The following GRM3 variants were observed in gnomAD, a reference collection of about 807,000 sequenced individuals.
GRM3 encodes glutamate metabotropic receptor 3, also known as metabotropic glutamate receptor 3.
A neutral mutation model predicts 70.5 loss-of-function variants in GRM3; 26 were observed. The ratio of observed to expected loss-of-function variants is 0.37; its 90% CI spans 0.27 to 0.51. The LOEUF is 0.51. GRM3 is among the 20% of genes least tolerant of loss of function. The probability of loss-of-function intolerance (pLI) is 0.93; values close to 1 mark genes in which losing one functional copy is unlikely to be tolerated. For synonymous variants in GRM3, 443 were observed against 434.9 expected (o/e 1.02, Z -0.23); for missense variants, 859 against 1,123.8 (o/e 0.76, Z 3.37).
intron 2 of GRM3, among the ~76,000 whole-genome samples, chr7:86,781,114 T>C (rs1342561943): frequency 6.6e-6 from 1 of 152,146 alleles, no homozygotes. Flanking sequence ...ATAATGGTAG[T>C]ATCTACATCA....
chr7:86,765,582 T>C lies in GRM3; in HGVS notation c.437T>C (p.Ile146Thr), dbSNP rs1265604108. The change falls in exon 2 of 6, where the codon ATT (isoleucine) becomes ACT (threonine). Residue 146 changes from isoleucine (I) to threonine (T), a missense_variant. Transcript: ENST00000361669. ...ATCCCACTTCTCATTGCAGGGGTCA[T>C]TGGTGGCTCTTATAGCAGTGTTTCC... ...ENIPLLIAGV[I>T]GGSYSSVSIQ... 6.2e-7 allele frequency: 1 copy of C among 1,613,388 alleles called. No homozygotes were observed. The highest frequency in any genetic ancestry group is 1.3e-5 in the African/African-American group (1 of 74,878).
intron 1 of GRM3, among the ~76,000 whole-genome samples, chr7:86,676,104 T>C (rs998114940): frequency 1.3e-5 from 2 of 151,570 alleles, no homozygotes; most frequent in African/African-American, 4.8e-5. Context: ...AGCCTTAGGC[T>C]TTTTTTTCCC....
At chr7:86,718,161 C>G (rs140052739) in intron 1 of GRM3, among the ~76,000 whole-genome samples, 88 of 151,774 alleles carry the variant, frequency 5.8e-4, no homozygotes, top group African/African-American at 2.1e-3. Context: ...GATCTGTTAC[C>G]ATTTACATAC....
At chr7:86,815,264 C>T (rs913114389) in intron 3 of GRM3, among the ~76,000 whole-genome samples, 2 of 151,722 alleles carry the variant, frequency 1.3e-5, no homozygotes, top group African/African-American at 4.8e-5. Flanking sequence ...GCTTTAGAAA[C>T]CTCATGAGGA....
chr7:86,813,845 C>A (rs1373497915), intron 3 of GRM3, among the ~76,000 whole-genome samples: 2 of 151,578 alleles, frequency 1.3e-5, no homozygotes, highest in African/African-American at 4.8e-5. Flanking sequence ...CCAGCTAGAA[C>A]CCTAATTGAA....
At chr7:86,708,946 TAC>T (rs5885556) in intron 1 of GRM3, among the ~76,000 whole-genome samples, 103,857 of 151,392 alleles carry the variant, frequency 0.69, 36,178 homozygotes, top group East Asian at 0.9. Context: ...CACATACATA[TAC>T]ACACACACAC....
chr7:86,809,156 A>C (rs867769137), intron 3 of GRM3, among the ~76,000 whole-genome samples: 1 of 152,110 alleles, frequency 6.6e-6, no homozygotes, highest in Non-Finnish European at 1.5e-5. Flanking sequence ...CATGTTTTAA[A>C]GTCTCCAAGC....
At chr7:86,772,983 AG>A (rs1015636438) in intron 2 of GRM3, among the ~76,000 whole-genome samples, 5 of 151,864 alleles carry the variant, frequency 3.3e-5, no homozygotes, top group African/African-American at 1.2e-4. Flanking sequence ...TCTAAAACTG[AG>A]TTTTTTTTTT....
intron 1 of GRM3, among the ~76,000 whole-genome samples, chr7:86,737,994 G>A (rs1795903346): frequency 1.3e-5 from 2 of 152,156 alleles, no homozygotes; most frequent in South Asian, 2.1e-4. Flanking sequence ...TGACATGAAA[G>A]CATTTCCCAG....
At chr7:86,685,437 T>C (rs1480122557) in intron 1 of GRM3, among the ~76,000 whole-genome samples, 1 of 152,204 alleles carries the variant, frequency 6.6e-6, no homozygotes, top group African/African-American at 2.4e-5. Context: ...AGTGAGAACC[T>C]GAAACAAGCT....
chr7:86,822,463 G>A (rs930761045), intron 3 of GRM3, among the ~76,000 whole-genome samples: 4 of 152,156 alleles, frequency 2.6e-5, no homozygotes, highest in African/African-American at 9.7e-5. Flanking sequence ...CTTGAAGGAT[G>A]TGAGTGATTT....
In GRM3 at chr7:86,652,141, T is replaced by C. The variant is rs1486671237; in HGVS notation, c.-141+7269T>C. ...CCTAAACACTCATAATGCAGTAATT[T>C]GAAAGGAAACAAGCCTTCTCTTAGT... On this transcript the variant is annotated intron_variant, in intron 1 of 5. Transcript: ENST00000361669. Among the ~76,000 whole-genome samples, 3 of 152,150 alleles carry C rather than the reference T, an allele frequency of 2.0e-5. No homozygotes were observed. The East Asian group carries it at 5.8e-4, about 29-fold the overall frequency.
At chr7:86,858,870 T>A (rs1798902125) in intron 5 of GRM3, among the ~76,000 whole-genome samples, 1 of 152,224 alleles carries the variant, frequency 6.6e-6, no homozygotes, top group Admixed American at 6.5e-5. Context: ...CACAGTATAA[T>A]GAATATGATG....
intron 3 of GRM3, among the ~76,000 whole-genome samples, chr7:86,823,751 G>A (rs1310743701): frequency 1.3e-5 from 2 of 151,888 alleles, no homozygotes; most frequent in East Asian, 3.9e-4. Flanking sequence ...TAACAACTGA[G>A]CTAGTGCCTG....
chr7:86,676,026 A>C (rs1293888049), intron 1 of GRM3, among the ~76,000 whole-genome samples: 1 of 151,972 alleles, frequency 6.6e-6, no homozygotes, highest in Non-Finnish European at 1.5e-5. Flanking sequence ...AAAAGAAGGA[A>C]ATGATTGTAT....
At chr7:86,783,305 T>A (rs1797126662) in intron 2 of GRM3, among the ~76,000 whole-genome samples, 3 of 152,202 alleles carry the variant, frequency 2.0e-5, no homozygotes. Flanking sequence ...AGTCACACAG[T>A]AGAAGGTAGA....
chr7:86,782,594 C>T (rs891394555), intron 2 of GRM3, among the ~76,000 whole-genome samples: 2 of 152,178 alleles, frequency 1.3e-5, no homozygotes, highest in African/African-American at 2.4e-5. Flanking sequence ...TCACATTCTG[C>T]GCTTTAGCGT....
intron 5 of GRM3, among the ~76,000 whole-genome samples, chr7:86,855,874 GC>G (rs1033372641): frequency 1.3e-5 from 2 of 152,070 alleles, no homozygotes; most frequent in Admixed American, 1.3e-4. Flanking sequence ...CTATAGTTCA[GC>G]CCCCGAAAAA....
chr7:86,827,102 T>C (rs1231281960), intron 3 of GRM3, among the ~76,000 whole-genome samples: 1 of 152,202 alleles, frequency 6.6e-6, no homozygotes, highest in Non-Finnish European at 1.5e-5. Flanking sequence ...TGAATATTTT[T>C]CCAACATATT....
Sources: allele counts gnomAD v4.1 joint callset (sites outside exome capture counted in the v4.1 genomes callset), GRCh38; gene constraint gnomAD v4.1.1; transcripts MANE v1.5; gene names NCBI Gene and HGNC (gene_info 2026-07-23, HGNC 2026-07-21).